ADAMTS20: variants seen among roughly 807,000 people sequenced by gnomAD.
ADAMTS20 encodes A disintegrin and metalloproteinase with thrombospondin motifs 20.
In ADAMTS20, 225 loss-of-function variants were observed where a neutral mutation model predicts 260.1. That is an observed-to-expected ratio of 0.87 (90% CI 0.78 to 0.97). The LOEUF (loss-of-function observed/expected upper bound fraction) is 0.97, where lower values mean the gene tolerates loss of function less well. Among genes scored for constraint, ADAMTS20 ranks in the 50% least tolerant of loss-of-function variants. The pLI, the probability that ADAMTS20 is intolerant of heterozygous loss-of-function variation, is 0.00. For missense variants in ADAMTS20, 2,400 were observed against 2,337.7 expected (o/e 1.03, Z -0.55); for synonymous variants, 802 against 769.5 (o/e 1.04, Z -0.70).
chr12:43,451,430 A>G (rs1354384903), intron 14 of ADAMTS20, among the ~76,000 whole-genome samples: 1 of 152,096 alleles, frequency 6.6e-6, no homozygotes, highest in Non-Finnish European at 1.5e-5. Flanking sequence ...TCCAATATGC[A>G]AATCGAATCA....
chr12:43,537,172 C>T (rs1943307485), intron 2 of ADAMTS20, among the ~76,000 whole-genome samples: 1 of 151,980 alleles, frequency 6.6e-6, no homozygotes, highest in Non-Finnish European at 1.5e-5. Flanking sequence ...CAGGCTCAAG[C>T]AATCCCCCCA....
intron 28 of ADAMTS20, among the ~76,000 whole-genome samples, chr12:43,421,462 C>T (rs1941237479): frequency 6.6e-6 from 1 of 151,652 alleles, no homozygotes; most frequent in African/African-American, 2.4e-5. Flanking sequence ...TAAAAACATT[C>T]CAAGAAAATA....
intron 37 of ADAMTS20, among the ~76,000 whole-genome samples, chr12:43,359,036 CCTCT>C (rs368037391): frequency 4.0e-5 from 6 of 151,200 alleles, no homozygotes; most frequent in African/African-American, 7.3e-5. Context: ...CATACGAGGT[CCTCT>C]CTCTCTCTCA....
At chr12:43,405,227 T>TAAAAAAAAAAA (rs1565683116) in intron 28 of ADAMTS20, among the ~76,000 whole-genome samples, 6 of 11,536 alleles carry the variant, frequency 5.2e-4, no homozygotes, top group African/African-American at 1.4e-3. Context: ...ACCTCATCTC[T>TAAAAAAAAAAA]ACAAAAAAAA....
chr12:43,354,007 A>C lies in ADAMTS20; in HGVS notation c.*202T>G, dbSNP rs1939689383. 2.6e-6 allele frequency: 1 copy of C among 389,618 alleles called. No individual in the cohort carries two copies. The highest frequency in any genetic ancestry group is 2.1e-5 in the African/African-American group (1 of 48,296). The allele number at this position is 389,618 out of a possible 1,614,324, so 24.1% of individuals were successfully genotyped here. A position where few individuals can be genotyped will look rare whatever the true frequency, so the allele number is the denominator to read the frequency against. The stretch of plus-strand genomic sequence containing the variant: ...TAAAAAATATCCTGATTAGATATAA[A>C]ATAAATTAAGATAGCTCTTAAATTT... On this transcript the variant is annotated 3_prime_UTR_variant, in exon 39 of 39. Coordinates refer to ENST00000389420, the MANE Select transcript of ADAMTS20 (RefSeq NM_025003.5).
At chr12:43,389,021 T>A (rs1176759562) in intron 29 of ADAMTS20, among the ~76,000 whole-genome samples, 1 of 152,188 alleles carries the variant, frequency 6.6e-6, no homozygotes, top group Non-Finnish European at 1.5e-5. Context: ...AACTTCATCA[T>A]ATAAATTTTG....
intron 36 of ADAMTS20, among the ~76,000 whole-genome samples, chr12:43,370,879 T>A (rs982513635): frequency 7.9e-5 from 12 of 152,188 alleles, no homozygotes; most frequent in African/African-American, 2.9e-4. Context: ...CAAATAGGTA[T>A]CCTAACCCAT....
intron 3 of ADAMTS20, among the ~76,000 whole-genome samples, chr12:43,510,440 T>A (rs529015752): frequency 4.6e-5 from 7 of 151,892 alleles, no homozygotes; most frequent in African/African-American, 1.7e-4. Context: ...AAATATCTAA[T>A]CTCATTACTT....
In ADAMTS20 at chr12:43,551,137, C is replaced by T. The variant is rs771206404; in HGVS notation, c.225G>A (p.Pro75=). The T allele has an allele frequency of 2.5e-6, 4 of 1,613,790 alleles. No homozygotes were observed. The African/African-American group carries it at 5.3e-5, about 22-fold the overall frequency. ...CAGTGAAGCGATAGTGGGTTCGGAA[C>T]GGCATGGGTTCCAGCGCCTCGGAGC... The part of the protein sequence containing the change: ...KRSSEALEPM[P]FRTHYRFTAY... Residue 75 remains proline (P), a synonymous_variant, in exon 2 of 39, where the codon CCG becomes CCA. Coordinates refer to ENST00000389420, the MANE Select transcript of ADAMTS20 (RefSeq NM_025003.5). This position sits in a 1 kb window ranked among gnomAD's most constrained non-coding sequence, Gnocchi z 4.6.
At chr12:43,400,464 C>A (rs187600108) in intron 28 of ADAMTS20, among the ~76,000 whole-genome samples, 2 of 152,070 alleles carry the variant, frequency 1.3e-5, no homozygotes, top group African/African-American at 4.8e-5. Flanking sequence ...GAACTATTAT[C>A]ATATCTTAGA....
intron 37 of ADAMTS20, among the ~76,000 whole-genome samples, chr12:43,358,353 A>T (rs537756955): frequency 6.6e-6 from 1 of 152,328 alleles, no homozygotes; most frequent in African/African-American, 2.4e-5. Context: ...GTCCTCACTT[A>T]GAAAGCTAAA....
chr12:43,400,022 T>C (rs1338707925), intron 28 of ADAMTS20, among the ~76,000 whole-genome samples: 1 of 152,008 alleles, frequency 6.6e-6, no homozygotes, highest in African/African-American at 2.4e-5. Flanking sequence ...TTATAAAACA[T>C]GAGTAGTAGC....
chr12:43,365,875 C>T (rs553629443), intron 37 of ADAMTS20, among the ~76,000 whole-genome samples: 43 of 151,658 alleles, frequency 2.8e-4, no homozygotes, highest in Non-Finnish European at 5.9e-4. Flanking sequence ...TGAATAACCA[C>T]TAACAAAGCA....
At chr12:43,371,439 A>T (rs147643465) in intron 36 of ADAMTS20, among the ~76,000 whole-genome samples, 1 of 152,370 alleles carries the variant, frequency 6.6e-6, no homozygotes, top group East Asian at 1.9e-4. Flanking sequence ...TCTTACCAGG[A>T]AGAGACAAGT....
intron 7 of ADAMTS20, among the ~76,000 whole-genome samples, chr12:43,480,458 G>A (rs1942424317): frequency 6.6e-6 from 1 of 152,120 alleles, no homozygotes; most frequent in African/African-American, 2.4e-5. Flanking sequence ...GAGTGGGATT[G>A]CTATATCATA....
intron 29 of ADAMTS20, among the ~76,000 whole-genome samples, chr12:43,384,851 T>A (rs964913023): frequency 1.3e-5 from 2 of 152,232 alleles, no homozygotes; most frequent in Non-Finnish European, 2.9e-5. Context: ...TTATCCAGTC[T>A]ATTCTTGATG....
intron 4 of ADAMTS20, among the ~76,000 whole-genome samples, chr12:43,494,861 C>A (rs1260516359): frequency 6.6e-6 from 1 of 152,106 alleles, no homozygotes; most frequent in Admixed American, 6.6e-5. Flanking sequence ...GGATGCTTTT[C>A]TAAGTCAAAT....
At chr12:43,414,695 A>T (rs185209196) in intron 28 of ADAMTS20, among the ~76,000 whole-genome samples, 102 of 152,222 alleles carry the variant, frequency 6.7e-4, no homozygotes, top group African/African-American at 2.2e-3. Flanking sequence ...AAGTGTTGAC[A>T]AGGATTTGGG....
intron 3 of ADAMTS20, among the ~76,000 whole-genome samples, chr12:43,513,539 G>A (rs1288503428): frequency 6.6e-6 from 1 of 152,114 alleles, no homozygotes; most frequent in East Asian, 1.9e-4. Flanking sequence ...ATACCATTTT[G>A]ACCCAGCCAT....
Sources: gnomAD v4.1 joint callset for allele counts (sites outside exome capture counted in the v4.1 genomes callset) on GRCh38, gnomAD v4.1.1 for gene constraint, Gnocchi (gnomAD v3.1) non-coding constraint, MANE v1.5 for transcripts, NCBI Gene and HGNC (gene_info 2026-07-23, HGNC 2026-07-21) for gene names.